Variants in AMPH observed in about 807,000 individuals in gnomAD.
AMPH encodes the protein amphiphysin.
A neutral mutation model predicts 99.1 loss-of-function variants in AMPH; 49 were observed. The observed-to-expected ratio is 0.49, with a 90% CI of 0.39 to 0.63. The LOEUF (loss-of-function observed/expected upper bound fraction) is 0.63, where lower values mean the gene tolerates loss of function less well. AMPH is among the 20% of genes least tolerant of loss of function. AMPH has a pLI of 0.00. For synonymous variants in AMPH, 314 were observed against 317.3 expected (o/e 0.99, Z 0.11); for missense variants, 759 against 863.4 (o/e 0.88, Z 1.52).
At chr7:38,404,763 A>G (rs2128981399) in intron 17 of AMPH, among the ~76,000 whole-genome samples, 1 of 152,354 alleles carries the variant, frequency 6.6e-6, no homozygotes, top group South Asian at 2.1e-4. Flanking sequence ...AAAGGAGTGC[A>G]GTATGTTCCC....
intron 2 of AMPH, among the ~76,000 whole-genome samples, chr7:38,510,896 A>G (rs1789513928): frequency 6.6e-6 from 1 of 152,144 alleles, no homozygotes; most frequent in Admixed American, 6.5e-5. Context: ...GTTTTTCTCA[A>G]AGTCCCATAA....
At chr7:38,608,569 G>A (rs1584299742) in intron 1 of AMPH, among the ~76,000 whole-genome samples, 1 of 152,048 alleles carries the variant, frequency 6.6e-6, no homozygotes, top group African/African-American at 2.4e-5. Context: ...GACTTGAAAC[G>A]AGAAAGGCTA....
At chr7:38,628,511 A>T (rs1197619095) in intron 1 of AMPH, among the ~76,000 whole-genome samples, 2 of 152,222 alleles carry the variant, frequency 1.3e-5, no homozygotes, top group African/African-American at 4.8e-5. Flanking sequence ...TCAAAAGATA[A>T]GGCATTCAGT....
chr7:38,626,118 G>A (rs1794232155), intron 1 of AMPH, among the ~76,000 whole-genome samples: 1 of 152,170 alleles, frequency 6.6e-6, no homozygotes, highest in Non-Finnish European at 1.5e-5. Context: ...CAAGATTGTA[G>A]GTTGAGGAGA....
chr7:38,446,266 A>G (rs1786775232), intron 11 of AMPH, among the ~76,000 whole-genome samples: 1 of 152,230 alleles, frequency 6.6e-6, no homozygotes, highest in Admixed American at 6.5e-5. Flanking sequence ...TTTTTAAAAA[A>G]TTAAATTTAT....
Position 38,476,940 on chromosome 7 carries a change from T to A in AMPH, c.426A>T (p.Leu142=), listed in dbSNP as rs1329775607. The A allele has an allele frequency of 6.2e-7, 1 of 1,613,824 alleles. No individual in the cohort carries two copies. The highest frequency in any genetic ancestry group is 8.5e-7 in the Non-Finnish European group (1 of 1,179,850). ...KNRIAKRSRK[L]VDYDSARHHL... ...GGTGGCGGGCACTGTCATAGTCCACTAGCTTCCTGCTGCGCTTGGCGATGC... is the reference window on the plus strand; with the variant it reads ...GGTGGCGGGCACTGTCATAGTCCACAAGCTTCCTGCTGCGCTTGGCGATGC... The change falls in exon 6 of 21, where the codon CTA becomes CTT. Residue 142 remains leucine, a synonymous_variant. Coordinates refer to ENST00000356264, the MANE Select transcript of AMPH (RefSeq NM_001635.4).
At chr7:38,431,558 A>C (rs1786027767) in intron 13 of AMPH, among the ~76,000 whole-genome samples, 1 of 151,300 alleles carries the variant, frequency 6.6e-6, no homozygotes, top group Non-Finnish European at 1.5e-5. Context: ...TGGGAGGCTG[A>C]GGCAGGAGAA....
intron 17 of AMPH, among the ~76,000 whole-genome samples, chr7:38,396,140 T>C (rs1210910173): frequency 6.6e-6 from 1 of 152,208 alleles, no homozygotes; most frequent in African/African-American, 2.4e-5. Context: ...CTTTCTGCCC[T>C]GTCATGAAAG....
chr7:38,447,314 C>T (rs577925621), intron 11 of AMPH, among the ~76,000 whole-genome samples: 8 of 152,248 alleles, frequency 5.3e-5, no homozygotes, highest in East Asian at 1.9e-4. Context: ...CTACCACGCC[C>T]GGCCACATTT....
chr7:38,481,697 A>G (rs1788288590), intron 5 of AMPH, among the ~76,000 whole-genome samples: 1 of 152,136 alleles, frequency 6.6e-6, no homozygotes, highest in African/African-American at 2.4e-5. Context: ...GGTCCTTCAT[A>G]GCCCTCACTG....
rs1785442862 is a variant in AMPH at position 38,417,922 on chromosome 7, T to C, written c.1301A>G (p.Glu434Gly). The C allele has an allele frequency of 2.5e-6, 4 of 1,614,102 alleles. No homozygotes were observed. Among genetic ancestry groups the C allele is most frequent in the East Asian group, 2.2e-5 (1 of 44,880 alleles). The change falls in exon 17 of 21, where the codon GAG (glutamate) becomes GGG (glycine). Residue 434 changes from glutamate (E) to glycine (G), a missense_variant. Glu to Gly is a moderately conservative substitution (Grantham distance 98). Coordinates refer to ENST00000356264, the MANE Select transcript of AMPH (RefSeq NM_001635.4). ...LAESEQAPPT[E>G]PKAEEPLAAV... is the part of the protein sequence containing the mutation. ...AGCCAGAGGCTCCTCTGCTTTTGGCTCTGTGGGTGGAGCCTGTTCAGATTC... is the reference window on the plus strand; with the variant it reads ...AGCCAGAGGCTCCTCTGCTTTTGGCCCTGTGGGTGGAGCCTGTTCAGATTC...
intron 14 of AMPH, chr7:38,429,577 T>C (rs756006372): frequency 6.9e-7 from 1 of 1,452,460 alleles, no homozygotes; most frequent in South Asian, 1.2e-5. Context: ...GAAGAGTCAG[T>C]CTTTAAAGTA....
rs547432575 is a variant in AMPH, at chr7:38,556,332, C to G, written c.70-21321G>C. Among the ~76,000 whole-genome samples, 3 of 152,216 alleles carry G rather than the reference C, an allele frequency of 2.0e-5. No homozygotes were observed. The South Asian group carries it at 6.2e-4, about 32-fold the overall frequency. On this transcript the variant is annotated intron_variant, in intron 1 of 20. Transcript: ENST00000356264. ...GCATAATTTTACTGTTATTAGACACCTGCTGTATGCCAGACCCTGCTAGGC... is the reference window on the plus strand; with the variant it reads ...GCATAATTTTACTGTTATTAGACACGTGCTGTATGCCAGACCCTGCTAGGC...
At chr7:38,544,652 C>T (rs963795724) in intron 1 of AMPH, among the ~76,000 whole-genome samples, 1 of 152,214 alleles carries the variant, frequency 6.6e-6, no homozygotes, top group Non-Finnish European at 1.5e-5. Context: ...CTGGGCCTCA[C>T]TTGATCACTT....
chr7:38,630,431 C>T (rs1436742313), intron 1 of AMPH, among the ~76,000 whole-genome samples: 1 of 152,082 alleles, frequency 6.6e-6, no homozygotes, highest in Non-Finnish European at 1.5e-5. Context: ...CATTCATGCA[C>T]GTCTCTGGGG....
intron 11 of AMPH, among the ~76,000 whole-genome samples, chr7:38,451,026 G>A (rs1455173450): frequency 6.6e-6 from 1 of 151,558 alleles, no homozygotes; most frequent in African/African-American, 2.4e-5. Flanking sequence ...CTGAGCAGCT[G>A]GGACTACAGA....
At chr7:38,422,662 C>T (rs548916217) in intron 15 of AMPH, among the ~76,000 whole-genome samples, 185 bp from the exon 16 acceptor site, 2 of 151,872 alleles carry the variant, frequency 1.3e-5, no homozygotes, top group South Asian at 4.2e-4. Context: ...CTCCTCTGTT[C>T]CCCAGGCTGG....
intron 17 of AMPH, among the ~76,000 whole-genome samples, chr7:38,401,225 A>C (rs1299584058): frequency 6.6e-6 from 1 of 152,218 alleles, no homozygotes; most frequent in Non-Finnish European, 1.5e-5. Flanking sequence ...ACATTTCAAT[A>C]ATTTAAATAC....
rs142657520 is a variant in AMPH, at chr7:38,526,430, C to T, written c.150+8501G>A. Among the ~76,000 whole-genome samples the T allele has an allele frequency of 3.6e-4, 28 of 77,274 alleles. No individual in the cohort carries two copies. In the Admixed American group the frequency reaches 4.0e-3, roughly 11 times the overall value. 50.7% of individuals were successfully genotyped at this position (77,274 alleles called of 152,430 possible). A position where few individuals can be genotyped will look rare whatever the true frequency, so the allele number is the denominator to read the frequency against. On this transcript the variant is annotated intron_variant, in intron 2 of 20. Transcript: ENST00000356264. ...GACTGCAAGCACCCACTACCATGCC[C>T]GGCTTTTTTTTTTTTTTTTTTTTTC...
Sources: gnomAD v4.1 joint callset for allele counts (sites outside exome capture counted in the v4.1 genomes callset) on GRCh38, gnomAD v4.1.1 for gene constraint, MANE v1.5 for transcripts, NCBI Gene and HGNC (gene_info 2026-07-23, HGNC 2026-07-21) for gene names.